The following MRTFA variants were observed in gnomAD, a reference collection of about 807,000 sequenced individuals.
MRTFA encodes the protein myocardin related transcription factor A, also known as myocardin-related transcription factor A.
A neutral mutation model predicts 83.5 loss-of-function variants in MRTFA; 20 were observed. The observed-to-expected ratio is 0.24, with a 90% CI of 0.17 to 0.35. MRTFA has a LOEUF of 0.35. Ranked by LOEUF, MRTFA falls within the 10% of genes least tolerant of loss-of-function variation. The pLI is 1.00. For synonymous variants in MRTFA, 659 were observed against 541.2 expected, an observed-to-expected ratio of 1.22 and a Z score of -3.02; for missense variants, 1,200 against 1,224.7, an observed-to-expected ratio of 0.98 and a Z score of 0.30.
chr22:40,568,040 C>T (rs1475231000), intron 2 of MRTFA, among the ~76,000 whole-genome samples: 1 of 152,100 alleles, frequency 6.6e-6, no homozygotes, highest in Non-Finnish European at 1.5e-5. Flanking sequence ...AGTATCCAAA[C>T]ACAGCAACAC....
At chr22:40,500,074 C>T (rs969959381) in intron 3 of MRTFA, among the ~76,000 whole-genome samples, 1 of 151,658 alleles carries the variant, frequency 6.6e-6, no homozygotes, top group Non-Finnish European at 1.5e-5. Context: ...AGATTACAGG[C>T]GCTCACCACT....
chr22:40,591,843 G>C (rs1410433420), intron 2 of MRTFA, among the ~76,000 whole-genome samples: 1 of 152,158 alleles, frequency 6.6e-6, no homozygotes, highest in Non-Finnish European at 1.5e-5. Context: ...ATGGAAAAAT[G>C]CATAGATTAA....
intron 1 of MRTFA, among the ~76,000 whole-genome samples, chr22:40,631,234 TA>T (rs1418238495): frequency 2.6e-5 from 4 of 152,234 alleles, no homozygotes; most frequent in Admixed American, 2.6e-4. Flanking sequence ...TCCTTCTGCA[TA>T]CTCATATCAG....
At chr22:40,568,854 T>C (rs776702003) in intron 2 of MRTFA, among the ~76,000 whole-genome samples, 58 of 152,292 alleles carry the variant, frequency 3.8e-4, no homozygotes, top group Middle Eastern at 3.4e-3. Flanking sequence ...AAGCATGATG[T>C]GGATAGCAAA....
chr22:40,528,902 C>G (rs1458600354), intron 3 of MRTFA, among the ~76,000 whole-genome samples: 1 of 151,868 alleles, frequency 6.6e-6, no homozygotes, highest in Non-Finnish European at 1.5e-5. Flanking sequence ...TTTAAAAGCT[C>G]ATCAGCTATC....
chr22:40,547,930 T>G (rs2055391219), intron 3 of MRTFA, among the ~76,000 whole-genome samples: 1 of 151,604 alleles, frequency 6.6e-6, no homozygotes, highest in Non-Finnish European at 1.5e-5. Context: ...TATGATTTCA[T>G]CATAAGCCTC....
At chr22:40,514,757 G>A (rs2054728473) in intron 3 of MRTFA, among the ~76,000 whole-genome samples, 1 of 151,844 alleles carries the variant, frequency 6.6e-6, no homozygotes, top group Admixed American at 6.6e-5. Context: ...TGAGATTACA[G>A]ATGTGAGCCA....
intron 1 of MRTFA, among the ~76,000 whole-genome samples, chr22:40,618,283 G>A (rs1367125374): frequency 6.7e-6 from 1 of 149,694 alleles, no homozygotes; most frequent in African/African-American, 2.5e-5. Flanking sequence ...GTAGAGATGG[G>A]GTTTCACCGT....
intron 4 of MRTFA, among the ~76,000 whole-genome samples, chr22:40,441,560 G>A (rs1397853835): frequency 6.6e-6 from 1 of 152,140 alleles, no homozygotes; most frequent in Admixed American, 6.5e-5. Context: ...CGAGGCAGGT[G>A]GATCACCTGA....
chr22:40,468,442 G>A (rs1421932996), intron 3 of MRTFA, among the ~76,000 whole-genome samples: 1 of 152,088 alleles, frequency 6.6e-6, no homozygotes, highest in Non-Finnish European at 1.5e-5. Flanking sequence ...GGGAAGAACA[G>A]GACAGTAAAA....
chr22:40,555,737 C>T (rs749036630), intron 2 of MRTFA, among the ~76,000 whole-genome samples: 8 of 151,578 alleles, frequency 5.3e-5, no homozygotes, highest in Non-Finnish European at 1.0e-4. Context: ...CCTGCATTCA[C>T]GCCATTCTCC....
At chr22:40,575,194 T>G (rs1395769041) in intron 2 of MRTFA, among the ~76,000 whole-genome samples, 1 of 152,146 alleles carries the variant, frequency 6.6e-6, no homozygotes, top group Non-Finnish European at 1.5e-5. Context: ...GAGATGAAGA[T>G]CTAAAATTTA....
At chr22:40,544,562 GAGAA>G (rs1602410691) in intron 3 of MRTFA, among the ~76,000 whole-genome samples, 1 of 152,258 alleles carries the variant, frequency 6.6e-6, no homozygotes, top group East Asian at 1.9e-4. Context: ...ACAGGATAAA[GAGAA>G]AGAAAAAGAC....
At chr22:40,491,443 C>T (rs9607725) in intron 3 of MRTFA, among the ~76,000 whole-genome samples, 1 of 152,128 alleles carries the variant, frequency 6.6e-6, no homozygotes, top group Non-Finnish European at 1.5e-5. Flanking sequence ...CTAAGCAAAA[C>T]TAAGACGCAA....
At chr22:40,458,105 C>T (rs748425628) in intron 4 of MRTFA, among the ~76,000 whole-genome samples, 6 of 152,172 alleles carry the variant, frequency 3.9e-5, no homozygotes, top group Admixed American at 2.6e-4. Context: ...CAGTGGCATT[C>T]CTGGTCTTAA....
intron 1 of MRTFA, among the ~76,000 whole-genome samples, chr22:40,619,868 C>A (rs1386123114): frequency 1.4e-4 from 16 of 116,098 alleles, no homozygotes; most frequent in Non-Finnish European, 2.7e-4. Flanking sequence ...CCAGCCTGGG[C>A]AACAGAGCGA....
At chr22:40,529,554 T>C (rs1016308641) in intron 3 of MRTFA, among the ~76,000 whole-genome samples, 7 of 152,168 alleles carry the variant, frequency 4.6e-5, no homozygotes, top group Non-Finnish European at 1.0e-4. Flanking sequence ...TGACCTCAAG[T>C]GATTTGCCCA....
intron 3 of MRTFA, among the ~76,000 whole-genome samples, chr22:40,467,361 T>C (rs2053827654): frequency 6.6e-6 from 1 of 152,210 alleles, no homozygotes; most frequent in Admixed American, 6.5e-5. Flanking sequence ...TTTATCTGTG[T>C]AGACTAAAAA....
intron 2 of MRTFA, among the ~76,000 whole-genome samples, chr22:40,572,162 G>A (rs148719663): frequency 7.9e-4 from 121 of 152,250 alleles, no homozygotes; most frequent in African/African-American, 2.9e-3. Flanking sequence ...GACACATATA[G>A]AGAAATAAAG....
Sources: gnomAD v4.1 joint callset for allele counts (sites outside exome capture counted in the v4.1 genomes callset) on GRCh38, gnomAD v4.1.1 for gene constraint, MANE v1.5 for transcripts, NCBI Gene and HGNC (gene_info 2026-07-23, HGNC 2026-07-21) for gene names.